STARD13: variants seen among roughly 807,000 people sequenced by gnomAD.
STARD13 encodes the protein stAR-related lipid transfer protein 13.
In STARD13, 62 loss-of-function variants were observed where a neutral mutation model predicts 106.4. The ratio of observed to expected loss-of-function variants is 0.58; its 90% CI spans 0.48 to 0.72. STARD13 has a LOEUF of 0.72. Among genes scored for constraint, STARD13 ranks in the 30% least tolerant of loss-of-function variants. The pLI is 0.00. For missense variants in STARD13, 1,387 were observed against 1,424.0 expected (o/e 0.97, Z 0.42); for synonymous variants, 565 against 553.0 (o/e 1.02, Z -0.31).
the STARD13 span, among the ~76,000 whole-genome samples, chr13:33,388,640 T>A: frequency 2.0e-5 from 3 of 152,230 alleles, no homozygotes; most frequent in Non-Finnish European, 2.9e-5. Flanking sequence ...GCTGCTGCCC[T>A]GCATTGCTAA....
the STARD13 span, among the ~76,000 whole-genome samples, chr13:33,375,896 T>C: frequency 6.6e-6 from 1 of 152,090 alleles, no homozygotes; most frequent in Non-Finnish European, 1.5e-5. Flanking sequence ...ATATGACTGG[T>C]TTTGACCACA....
intron 7 of STARD13, among the ~76,000 whole-genome samples, chr13:33,123,547 A>T (rs1876688213): frequency 6.6e-6 from 1 of 152,238 alleles, no homozygotes; most frequent in Non-Finnish European, 1.5e-5. Flanking sequence ...TTCTGTGCAC[A>T]GTTGATTTAG....
chr13:33,441,787 C>T, the STARD13 span, among the ~76,000 whole-genome samples: 14 of 152,356 alleles, frequency 9.2e-5, no homozygotes, highest in East Asian at 2.7e-3. Context: ...TCCCTATATT[C>T]TACGCCTGTG....
chr13:33,641,798 C>G, the STARD13 span, among the ~76,000 whole-genome samples: 2 of 152,138 alleles, frequency 1.3e-5, no homozygotes, highest in Non-Finnish European at 2.9e-5. Context: ...GAAAATCGAG[C>G]AGCTGGATCG....
the STARD13 span, among the ~76,000 whole-genome samples, chr13:33,441,279 A>G: frequency 6.6e-6 from 1 of 152,188 alleles, no homozygotes; most frequent in African/African-American, 2.4e-5. Flanking sequence ...CTAACTTCTT[A>G]GTCCGATTCT....
chr13:33,384,013 A>G, the STARD13 span, among the ~76,000 whole-genome samples: 12 of 152,232 alleles, frequency 7.9e-5, no homozygotes, highest in African/African-American at 2.4e-4. Flanking sequence ...AGACAACAGA[A>G]GGCTAGAATT....
intron 1 of STARD13, among the ~76,000 whole-genome samples, chr13:33,198,201 AC>A (rs982357397): frequency 2.0e-5 from 3 of 152,196 alleles, no homozygotes; most frequent in African/African-American, 7.2e-5. Flanking sequence ...CTGTTTCAAC[AC>A]CAAATATGTC....
chr13:33,133,628 G>A (rs624423), intron 4 of STARD13, among the ~76,000 whole-genome samples: 49,424 of 148,998 alleles, frequency 0.33, 8,784 homozygotes, highest in Non-Finnish European at 0.41. Flanking sequence ...CACAACTCAG[G>A]GCATGCATAC....
At chr13:33,316,315 T>TCAGAG (rs1893334629) in intron 1 of STARD13, among the ~76,000 whole-genome samples, 1 of 152,190 alleles carries the variant, frequency 6.6e-6, no homozygotes, top group Non-Finnish European at 1.5e-5. Flanking sequence ...TGACTCCTCC[T>TCAGAG]GTTTTGTGAA....
the STARD13 span, among the ~76,000 whole-genome samples, chr13:33,521,863 GAA>G: frequency 6.6e-6 from 1 of 151,594 alleles, no homozygotes; most frequent in Non-Finnish European, 1.5e-5. Flanking sequence ...GAAACAAGAT[GAA>G]AAAAAATACT....
the STARD13 span, among the ~76,000 whole-genome samples, chr13:33,386,002 CTCA>C: frequency 1.3e-5 from 2 of 151,792 alleles, no homozygotes; most frequent in African/African-American, 2.4e-5. Context: ...TATTCATTTG[CTCA>C]TCAATTCATT....
intron 1 of STARD13, among the ~76,000 whole-genome samples, chr13:33,202,037 G>A (rs572024569): frequency 5.9e-5 from 9 of 152,126 alleles, no homozygotes; most frequent in East Asian, 3.9e-4. Context: ...AAACCATTTC[G>A]TTAGGATAGT....
At chr13:33,211,959 A>C (rs892316584) in intron 1 of STARD13, among the ~76,000 whole-genome samples, 2 of 152,220 alleles carry the variant, frequency 1.3e-5, no homozygotes, top group African/African-American at 2.4e-5. Flanking sequence ...CTTTTCACTG[A>C]AACAGAATCA....
chr13:33,534,011 G>A, the STARD13 span, among the ~76,000 whole-genome samples: 64 of 152,304 alleles, frequency 4.2e-4, 3 homozygotes, highest in African/African-American at 1.2e-3. Flanking sequence ...TGGTCAGAAC[G>A]TTGTGCTTAG....
chr13:33,435,298 A>C, the STARD13 span, among the ~76,000 whole-genome samples: 1 of 152,182 alleles, frequency 6.6e-6, no homozygotes, highest in African/African-American at 2.4e-5. Context: ...CCTTTTCCCT[A>C]TCTGTATTTA....
chr13:33,620,830 T>C, the STARD13 span, among the ~76,000 whole-genome samples: 2 of 150,944 alleles, frequency 1.3e-5, no homozygotes, highest in South Asian at 2.1e-4. Context: ...ATTTAATACA[T>C]AGAAATGCCA....
rs570440487 is a variant in STARD13 at position 33,104,471 on chromosome 13, G to C, written c.*1122C>G. The C allele has an allele frequency of 6.6e-6, 1 of 152,584 alleles. No individual in the cohort carries two copies. Among genetic ancestry groups the C allele is most frequent in the African/African-American group, 2.4e-5 (1 of 41,424 alleles). The allele number at this position is 152,584 out of a possible 1,614,324, so 9.5% of individuals were successfully genotyped here. A position where few individuals can be genotyped will look rare whatever the true frequency, so the allele number is the denominator to read the frequency against. Reference sequence around the variant, plus strand: ...AAAAGTTTAATGAATTACATTTTAAGAGTATCCTACACATAACAAAATATG... The same window carrying C: ...AAAAGTTTAATGAATTACATTTTAACAGTATCCTACACATAACAAAATATG... On this transcript the variant is annotated 3_prime_UTR_variant, in exon 14 of 14. Transcript: ENST00000336934.
At chr13:33,656,298 G>A in the STARD13 span, among the ~76,000 whole-genome samples, 1 of 152,078 alleles carries the variant, frequency 6.6e-6, no homozygotes, top group Non-Finnish European at 1.5e-5. Flanking sequence ...ATAGAAGGGA[G>A]GGAAAGAGAA....
the STARD13 span, among the ~76,000 whole-genome samples, chr13:33,599,056 A>G: frequency 1.3e-5 from 2 of 152,226 alleles, no homozygotes; most frequent in Non-Finnish European, 2.9e-5. Context: ...TTTAAAAAAA[A>G]TTCATCCAGC....
Sources: allele counts gnomAD v4.1 joint callset (sites outside exome capture counted in the v4.1 genomes callset), GRCh38; gene constraint gnomAD v4.1.1; transcripts MANE v1.5; gene names NCBI Gene and HGNC (gene_info 2026-07-23, HGNC 2026-07-21).